Variants in SNAP91 observed in about 807,000 individuals in gnomAD.
SNAP91 encodes the protein clathrin coat assembly protein AP180.
In SNAP91, 27 loss-of-function variants were observed where a neutral mutation model predicts 100.3. The observed-to-expected ratio is 0.27, with a 90% CI of 0.20 to 0.37. SNAP91 has a LOEUF of 0.37. SNAP91 is among the 10% of genes least tolerant of loss of function. The pLI, the probability that SNAP91 is intolerant of heterozygous loss-of-function variation, is 1.00. For missense variants in SNAP91, 986 were observed against 1,123.7 expected (o/e 0.88, Z 1.75); for synonymous variants, 404 against 398.6 (o/e 1.01, Z -0.16).
At chr6:83,590,714 A>G (rs2093623167) in intron 22 of SNAP91, among the ~76,000 whole-genome samples, 1 of 152,210 alleles carries the variant, frequency 6.6e-6, no homozygotes, top group Non-Finnish European at 1.5e-5. Context: ...AAAGATGGGC[A>G]TAGACATTAC....
chr6:83,694,880 T>C (rs1438913151), intron 2 of SNAP91, among the ~76,000 whole-genome samples: 7 of 152,120 alleles, frequency 4.6e-5, no homozygotes, highest in Admixed American at 3.9e-4. Context: ...TCATGACTAA[T>C]ACGGGTATAA....
chr6:83,642,730 G>T (rs1307268024), intron 7 of SNAP91, among the ~76,000 whole-genome samples: 1 of 152,110 alleles, frequency 6.6e-6, no homozygotes, highest in South Asian at 2.1e-4. Context: ...GAGTCAAATG[G>T]TATTTCTAGT....
intron 24 of SNAP91, among the ~76,000 whole-genome samples, chr6:83,580,115 C>G (rs906640842): frequency 1.3e-5 from 2 of 152,064 alleles, no homozygotes; most frequent in Non-Finnish European, 2.9e-5. Flanking sequence ...GTAAGTTACC[C>G]TATGTTCTTA....
chr6:83,604,569 T>C (rs2095494370), intron 14 of SNAP91, among the ~76,000 whole-genome samples: 1 of 152,166 alleles, frequency 6.6e-6, no homozygotes, highest in African/African-American at 2.4e-5. Context: ...TGACACACTG[T>C]TTAACAAGAC....
At chr6:83,683,633 ACTT>A (rs1427936767) in intron 2 of SNAP91, among the ~76,000 whole-genome samples, 1 of 152,108 alleles carries the variant, frequency 6.6e-6, no homozygotes, top group East Asian at 1.9e-4. Context: ...AGTCAAATAA[ACTT>A]CTTTTCTTTA....
chr6:83,703,482 T>C (rs1051666510), intron 2 of SNAP91, among the ~76,000 whole-genome samples: 1 of 152,180 alleles, frequency 6.6e-6, no homozygotes, highest in Non-Finnish European at 1.5e-5. Flanking sequence ...TAGGTTTAAA[T>C]TTTCGTTCTA....
chr6:83,674,830 T>C (rs1405428780), intron 2 of SNAP91, among the ~76,000 whole-genome samples: 1 of 152,200 alleles, frequency 6.6e-6, no homozygotes, highest in Non-Finnish European at 1.5e-5. Context: ...AAATTATGCA[T>C]ATAGAAGTTC....
intron 8 of SNAP91, among the ~76,000 whole-genome samples, chr6:83,628,222 C>CATACATATATATATATATAT: frequency 8.0e-6 from 1 of 124,720 alleles, no homozygotes; most frequent in African/African-American, 3.0e-5. Context: ...TTCCATTTTA[C>CATACATATATATATATATAT]ATATATATAT....
chr6:83,686,576 A>G (rs189941864), intron 2 of SNAP91, among the ~76,000 whole-genome samples: 1 of 152,358 alleles, frequency 6.6e-6, no homozygotes, highest in Non-Finnish European at 1.5e-5. Context: ...AGGCCACTAT[A>G]TGGGAAAATA....
At chr6:83,561,253 T>TAGGCTGGTCTC (rs1787142871) in intron 26 of SNAP91, among the ~76,000 whole-genome samples, 1 of 152,096 alleles carries the variant, frequency 6.6e-6, no homozygotes, top group Non-Finnish European at 1.5e-5. Flanking sequence ...CTATGCTGTG[T>TAGGCTGGTCTC]AGGCTGGTCT....
intron 7 of SNAP91, among the ~76,000 whole-genome samples, chr6:83,643,238 G>T (rs1483938517): frequency 3.3e-5 from 5 of 152,024 alleles, no homozygotes; most frequent in African/African-American, 4.8e-5. Flanking sequence ...CATTGCTTTT[G>T]GTGTTTTACA....
intron 1 of SNAP91, 36 bp from the exon 2 acceptor site, chr6:83,707,993 C>G: frequency 2.0e-6 from 3 of 1,494,736 alleles, no homozygotes; most frequent in Admixed American, 2.6e-5. Context: ...CGGCTTTAAT[C>G]CGCAGACCCT....
rs76808310 is a variant in SNAP91, at chr6:83,576,092, C to A, written c.2300-39G>T. The A allele has an allele frequency of 6.7e-4, 718 of 1,066,624 alleles. 7 individuals carry two copies. In the African/African-American group the frequency reaches 0.011, roughly 16 times the overall value. 66.1% of individuals were successfully genotyped at this position (1,066,624 alleles called of 1,614,324 possible). A position where few individuals can be genotyped will look rare whatever the true frequency, so the allele number is the denominator to read the frequency against. ...AAAGAAAAAAGAATGTAAATCTCTA[C>A]ACTCAGTTTATATGATATGACATTT... is the stretch of plus-strand genomic sequence containing the variant. On this transcript the variant is annotated intron_variant, in intron 24 of 29. Coordinates refer to ENST00000369694, the MANE Select transcript of SNAP91 (RefSeq NM_001242792.2).
chr6:83,566,908 T>C (rs1214489293), intron 26 of SNAP91, among the ~76,000 whole-genome samples: 1 of 152,206 alleles, frequency 6.6e-6, no homozygotes, highest in Non-Finnish European at 1.5e-5. Flanking sequence ...TGGTCCACAC[T>C]GCTGTGCTGG....
chr6:83,598,811 A>G (rs755290599), intron 16 of SNAP91, among the ~76,000 whole-genome samples: 102 of 152,194 alleles, frequency 6.7e-4, no homozygotes, highest in Non-Finnish European at 1.2e-3. Flanking sequence ...AAGGCATGAA[A>G]GAAATTACAG....
chr6:83,699,252 A>G (rs150468378), intron 2 of SNAP91, among the ~76,000 whole-genome samples: 2 of 152,328 alleles, frequency 1.3e-5, no homozygotes, highest in Admixed American at 6.5e-5. Context: ...CATGTGATAG[A>G]TCTATGAAAT....
intron 8 of SNAP91, among the ~76,000 whole-genome samples, chr6:83,636,032 G>A (rs2128506192): frequency 6.6e-6 from 1 of 152,280 alleles, no homozygotes; most frequent in South Asian, 2.1e-4. Context: ...CTTTTGAGAA[G>A]TCTGTCGTTA....
At chr6:83,563,707 G>T (rs2022268) in intron 26 of SNAP91, among the ~76,000 whole-genome samples, 116,897 of 152,114 alleles carry the variant, frequency 0.77, 45,274 homozygotes, top group East Asian at 0.88. Flanking sequence ...AGTGTTCCTG[G>T]GGAACTAGCA....
chr6:83,628,906 G>A (rs748672325), intron 8 of SNAP91, among the ~76,000 whole-genome samples: 1 of 152,024 alleles, frequency 6.6e-6, no homozygotes, highest in African/African-American at 2.4e-5. Context: ...TATTGCGTTT[G>A]CTTTTAGGTT....
Sources: gnomAD v4.1 joint callset for allele counts (sites outside exome capture counted in the v4.1 genomes callset) on GRCh38, gnomAD v4.1.1 for gene constraint, MANE v1.5 for transcripts, NCBI Gene and HGNC (gene_info 2026-07-23, HGNC 2026-07-21) for gene names.